NAALADL2: variants seen among roughly 807,000 people sequenced by gnomAD.
NAALADL2 encodes inactive N-acetylated-alpha-linked acidic dipeptidase-like protein 2.
In NAALADL2, 76 loss-of-function variants were observed where a neutral mutation model predicts 87.2. The ratio of observed to expected loss-of-function variants is 0.87; its 90% CI spans 0.72 to 1.05. NAALADL2 has a LOEUF of 1.05. NAALADL2 is among the 50% of genes least tolerant of loss of function. The pLI is 0.00. For missense variants in NAALADL2, 1,089 were observed against 945.8 expected (o/e 1.15, Z -1.99); for synonymous variants, 354 against 331.0 (o/e 1.07, Z -0.75).
chr3:175,141,118 A>G (rs1465234981), intron 2 of NAALADL2, among the ~76,000 whole-genome samples: 3 of 152,160 alleles, frequency 2.0e-5, no homozygotes, highest in Non-Finnish European at 2.9e-5. Context: ...GGGAATCACT[A>G]CAAAGCTATG....
At chr3:175,622,336 G>A (rs564137070) in intron 10 of NAALADL2, among the ~76,000 whole-genome samples, 11 of 152,180 alleles carry the variant, frequency 7.2e-5, no homozygotes, top group South Asian at 4.1e-4. Flanking sequence ...AACAAGTGCC[G>A]TAAAACAGCT....
chr3:174,882,812 CATAT>C lies in NAALADL2; in HGVS notation c.43+23363_43+23366del, dbSNP rs1560319790. On this transcript the variant is annotated intron_variant, in intron 1 of 13. Transcript: ENST00000454872. ...GTATATATACACGTGTGTATATGTG[CATAT>C]GTGTATATATACACGTGTGTATATG... 1.2e-3 allele frequency among the ~76,000 whole-genome samples: 139 copies of C among 118,396 alleles called. 1 individual carries two copies. Among genetic ancestry groups the C allele is most frequent in the African/African-American group, 5.8e-3 (137 of 23,798 alleles). 77.7% of individuals were successfully genotyped at this position (118,396 alleles called of 152,430 possible).
intron 1 of NAALADL2, among the ~76,000 whole-genome samples, chr3:175,000,186 T>G (rs1748042338): frequency 6.6e-6 from 1 of 152,154 alleles, no homozygotes; most frequent in Non-Finnish European, 1.5e-5. Context: ...AAAAGAGAAA[T>G]AAGACATGAT....
intron 2 of NAALADL2, among the ~76,000 whole-genome samples, chr3:174,671,308 CTT>C: frequency 6.6e-6 from 1 of 152,018 alleles, no homozygotes; most frequent in Non-Finnish European, 1.5e-5. Flanking sequence ...AGTTCTATAA[CTT>C]ATATTAAGTG....
chr3:174,466,846 A>G (rs1716561126), intron 1 of NAALADL2, among the ~76,000 whole-genome samples: 1 of 152,112 alleles, frequency 6.6e-6, no homozygotes, highest in African/African-American at 2.4e-5. Context: ...CCATATTTAA[A>G]CACATAGTTC....
chr3:174,911,119 C>T (rs922534859), intron 1 of NAALADL2, among the ~76,000 whole-genome samples: 1 of 152,002 alleles, frequency 6.6e-6, no homozygotes, highest in South Asian at 2.1e-4. Flanking sequence ...AAGATAAGAA[C>T]GTATTTTCTG....
chr3:175,491,023 C>CT (rs879561995), intron 9 of NAALADL2, among the ~76,000 whole-genome samples: 30 of 151,974 alleles, frequency 2.0e-4, no homozygotes, highest in South Asian at 8.3e-4. Context: ...TGGATAGAGA[C>CT]TTTTTTTAAA....
intron 2 of NAALADL2, among the ~76,000 whole-genome samples, chr3:175,171,410 G>T (rs2035108): frequency 0.84 from 127,101 of 152,004 alleles, 53,432 homozygotes; most frequent in East Asian, 0.93. Context: ...CCTGTCATTT[G>T]ATATGACTGC....
intron 3 of NAALADL2, among the ~76,000 whole-genome samples, chr3:174,771,094 G>T (rs1410137495): frequency 6.6e-6 from 1 of 152,064 alleles, no homozygotes; most frequent in Non-Finnish European, 1.5e-5. Flanking sequence ...AAATATCTGG[G>T]TGTCTATTTC....
chr3:175,213,800 G>C (rs1742110345), intron 2 of NAALADL2, among the ~76,000 whole-genome samples: 1 of 152,128 alleles, frequency 6.6e-6, no homozygotes, highest in Non-Finnish European at 1.5e-5. Flanking sequence ...CAATCATTTA[G>C]TTAGTAAGAG....
At chr3:175,709,608 A>G (rs1016067689) in intron 11 of NAALADL2, among the ~76,000 whole-genome samples, 2 of 151,998 alleles carry the variant, frequency 1.3e-5, no homozygotes, top group African/African-American at 4.8e-5. Flanking sequence ...GCTGGAAATA[A>G]TAGACTTGGC....
intron 4 of NAALADL2, among the ~76,000 whole-genome samples, chr3:175,275,145 A>T (rs1284751889): frequency 6.6e-6 from 1 of 152,234 alleles, no homozygotes; most frequent in Non-Finnish European, 1.5e-5. Context: ...ATCATGAGAT[A>T]GCCAGAGTAC....
intron 1 of NAALADL2, among the ~76,000 whole-genome samples, chr3:175,068,837 C>G (rs73883331): frequency 0.088 from 13,396 of 152,030 alleles, 1,294 homozygotes; most frequent in African/African-American, 0.24. Context: ...AAAGTATGCA[C>G]TTGGTATCTT....
chr3:174,855,572 A>C (rs1300259384), upstream of NAALADL2, among the ~76,000 whole-genome samples: 2 of 152,002 alleles, frequency 1.3e-5, no homozygotes, highest in Non-Finnish European at 1.5e-5. Flanking sequence ...TTCCCAACTG[A>C]AAATTTTCTA....
At chr3:175,289,168 T>C (rs1755341792) in intron 4 of NAALADL2, among the ~76,000 whole-genome samples, 1 of 152,210 alleles carries the variant, frequency 6.6e-6, no homozygotes, top group African/African-American at 2.4e-5. Flanking sequence ...GGCATGTCTT[T>C]CTTCGTAAGT....
chr3:174,882,240 CTA>C (rs1476227046), intron 1 of NAALADL2, among the ~76,000 whole-genome samples: 2 of 151,858 alleles, frequency 1.3e-5, no homozygotes, highest in Non-Finnish European at 2.9e-5. Context: ...AAATGCAAAA[CTA>C]TGTGAAGAAC....
chr3:175,308,997 A>G (rs183742478), intron 4 of NAALADL2, among the ~76,000 whole-genome samples: 4 of 152,246 alleles, frequency 2.6e-5, no homozygotes, highest in Admixed American at 2.0e-4. Flanking sequence ...CAGGAGTGAA[A>G]ATATCCCTTA....
intron 2 of NAALADL2, among the ~76,000 whole-genome samples, chr3:175,230,586 G>A (rs1744805256): frequency 6.6e-6 from 1 of 151,968 alleles, no homozygotes; most frequent in African/African-American, 2.4e-5. Context: ...CCTCATTGTA[G>A]AGCGGAAATT....
intron 5 of NAALADL2, among the ~76,000 whole-genome samples, chr3:175,409,454 A>G (rs1713051369): frequency 5.3e-5 from 8 of 151,882 alleles, no homozygotes; most frequent in Admixed American, 5.2e-4. Flanking sequence ...GATCTTACCC[A>G]TATTGTTGAC....
Sources: allele counts gnomAD v4.1 joint callset (sites outside exome capture counted in the v4.1 genomes callset), GRCh38; gene constraint gnomAD v4.1.1; transcripts MANE v1.5; gene names NCBI Gene and HGNC (gene_info 2026-07-23, HGNC 2026-07-21).